SYNDIG1L: variants seen among roughly 807,000 people sequenced by gnomAD.
The protein encoded by SYNDIG1L is synapse differentiation-inducing gene protein 1-like.
In SYNDIG1L, 13 loss-of-function variants were observed where a neutral mutation model predicts 20.1. That is an observed-to-expected ratio of 0.65 (90% confidence interval 0.42 to 1.03). The LOEUF (loss-of-function observed/expected upper bound fraction) is 1.03. Ranked by LOEUF, SYNDIG1L falls within the 50% of genes least tolerant of loss-of-function variation. SYNDIG1L has a pLI of 0.00. For missense variants in SYNDIG1L, 294 were observed against 305.1 expected (o/e 0.96, Z 0.27); for synonymous variants, 128 against 129.3 (o/e 0.99, Z 0.07).
chr14:74,471,651 A>G, the SYNDIG1L span, among the ~76,000 whole-genome samples: 1 of 152,178 alleles, frequency 6.6e-6, no homozygotes, highest in Admixed American at 6.5e-5. Context: ...CAATTTACAG[A>G]CCGAACTAAG....
intron 1 of SYNDIG1L, among the ~76,000 whole-genome samples, chr14:74,410,500 C>G (rs966310513): frequency 2.8e-4 from 42 of 152,230 alleles, no homozygotes; most frequent in African/African-American, 9.9e-4. Flanking sequence ...GGTCCTGAAG[C>G]CTTCCCCATG....
the SYNDIG1L span, among the ~76,000 whole-genome samples, chr14:74,470,707 G>A: frequency 6.6e-6 from 1 of 152,200 alleles, no homozygotes; most frequent in Non-Finnish European, 1.5e-5. Context: ...ATCAATCCTT[G>A]TAATCACTCT....
At chr14:74,472,547 T>TG in the SYNDIG1L span, among the ~76,000 whole-genome samples, 9 of 152,238 alleles carry the variant, frequency 5.9e-5, no homozygotes, top group Non-Finnish European at 1.2e-4. Context: ...CTCCCAAAGA[T>TG]GCCTTCAAGG....
the SYNDIG1L span, among the ~76,000 whole-genome samples, chr14:74,443,958 C>A: frequency 1.3e-5 from 2 of 152,228 alleles, no homozygotes; most frequent in Non-Finnish European, 2.9e-5. Flanking sequence ...ACTCACAGAT[C>A]TCTCTCAACT....
At chr14:74,470,679 T>C in the SYNDIG1L span, among the ~76,000 whole-genome samples, 2 of 152,184 alleles carry the variant, frequency 1.3e-5, no homozygotes, top group Admixed American at 6.5e-5. Flanking sequence ...GTCTCCTCCA[T>C]CTCAGCCCCT....
intron 2 of SYNDIG1L, among the ~76,000 whole-genome samples, chr14:74,409,090 AT>A (rs201848349): frequency 7.0e-5 from 6 of 85,820 alleles, no homozygotes; most frequent in Middle Eastern, 4.7e-3. Flanking sequence ...ATTTATTTAT[AT>A]TTTTTTGAGT....
the SYNDIG1L span, among the ~76,000 whole-genome samples, chr14:74,477,390 T>A: frequency 6.6e-6 from 1 of 152,200 alleles, no homozygotes; most frequent in Non-Finnish European, 1.5e-5. Flanking sequence ...TCATTTTCTC[T>A]TAGTTGACCT....
At chr14:74,476,530 C>G in the SYNDIG1L span, 4 of 1,535,722 alleles carry the variant, frequency 2.6e-6, no homozygotes, top group Non-Finnish European at 3.5e-6. Flanking sequence ...CCATTTGCAA[C>G]TGCAAACACC....
upstream of SYNDIG1L, among the ~76,000 whole-genome samples, chr14:74,428,820 G>A (rs977177785): frequency 1.3e-5 from 2 of 152,160 alleles, no homozygotes; most frequent in African/African-American, 2.4e-5. Flanking sequence ...TCAACAGGAC[G>A]GGAGCAGGGA....
chr14:74,458,621 C>CAAA, the SYNDIG1L span, among the ~76,000 whole-genome samples: 6,359 of 79,628 alleles, frequency 0.08, 446 homozygotes, highest in South Asian at 0.19. Context: ...GACTCCATCT[C>CAAA]AAAAAAAAAA....
chr14:74,454,535 A>G, the SYNDIG1L span, among the ~76,000 whole-genome samples: 14 of 152,258 alleles, frequency 9.2e-5, no homozygotes, highest in African/African-American at 3.1e-4. Flanking sequence ...GCTTCCTTTT[A>G]TTCATTATAG....
chr14:74,435,865 G>T, the SYNDIG1L span, among the ~76,000 whole-genome samples: 13 of 152,302 alleles, frequency 8.5e-5, no homozygotes, highest in South Asian at 6.2e-4. Flanking sequence ...GCCGTCAGGA[G>T]TTCCTCCTTG....
intron 2 of SYNDIG1L, 47 bp from the exon 3 acceptor site, chr14:74,408,036 C>A (rs759856955): frequency 1.3e-6 from 2 of 1,549,428 alleles, no homozygotes; most frequent in Non-Finnish European, 1.7e-6. Context: ...TCAGCCCAGC[C>A]CCATCAGGCT....
chr14:74,422,542 T>C (rs2086230614), intron 1 of SYNDIG1L, among the ~76,000 whole-genome samples: 1 of 151,964 alleles, frequency 6.6e-6, no homozygotes, highest in African/African-American at 2.4e-5. Context: ...GACTTGAAGG[T>C]AACCAGTGAT....
intron 1 of SYNDIG1L, among the ~76,000 whole-genome samples, chr14:74,423,934 G>T (rs2086244812): frequency 6.6e-6 from 1 of 152,088 alleles, no homozygotes; most frequent in Non-Finnish European, 1.5e-5. Flanking sequence ...GGGCTTGGAG[G>T]CAGGAGCCCC....
chr14:74,462,864 G>C, the SYNDIG1L span, among the ~76,000 whole-genome samples: 1 of 152,110 alleles, frequency 6.6e-6, no homozygotes, highest in East Asian at 1.9e-4. Context: ...GGGTTTATTG[G>C]AATGTAACCC....
At chr14:74,439,183 G>T in the SYNDIG1L span, among the ~76,000 whole-genome samples, 1 of 144,162 alleles carries the variant, frequency 6.9e-6, no homozygotes, top group Non-Finnish European at 1.5e-5. Context: ...AGACTCCTCC[G>T]CCTGGGCTGG....
the SYNDIG1L span, among the ~76,000 whole-genome samples, chr14:74,434,271 AT>A: frequency 1.3e-5 from 2 of 152,202 alleles, no homozygotes; most frequent in Admixed American, 6.5e-5. Context: ...CATTGAGTGA[AT>A]GATTGCTGCA....
intron 1 of SYNDIG1L, among the ~76,000 whole-genome samples, chr14:74,422,681 A>ACACAC (rs59680480): frequency 6.8e-6 from 1 of 146,170 alleles, no homozygotes; most frequent in African/African-American, 2.5e-5. Context: ...ACACACACAC[A>ACACAC]ATTTCTCTTT....
Sources: allele counts gnomAD v4.1 joint callset (sites outside exome capture counted in the v4.1 genomes callset), GRCh38; gene constraint gnomAD v4.1.1; transcripts MANE v1.5; gene names NCBI Gene and HGNC (gene_info 2026-07-23, HGNC 2026-07-21).